ADRM1: variants seen among roughly 807,000 people sequenced by gnomAD.
ADRM1 encodes proteasomal ubiquitin receptor ADRM1.
In ADRM1, 2 loss-of-function variants were observed where a neutral mutation model predicts 40.1. The ratio of observed to expected loss-of-function variants is 0.05; its 90% CI spans 0.02 to 0.16. The LOEUF (loss-of-function observed/expected upper bound fraction) is 0.16. Ranked by LOEUF, ADRM1 falls within the 10% of genes least tolerant of loss-of-function variation. The pLI, the probability that ADRM1 is intolerant of heterozygous loss-of-function variation, is 1.00. For missense variants in ADRM1, 467 were observed against 552.5 expected, an observed-to-expected ratio of 0.85 and a Z score of 1.55; for synonymous variants, 287 against 240.4, an observed-to-expected ratio of 1.19 and a Z score of -1.79.
intron 6 of ADRM1, 23 bp from the exon 7 acceptor site, chr20:62,307,573 A>T (rs1213112547): frequency 1.2e-6 from 2 of 1,606,520 alleles, no homozygotes; most frequent in African/African-American, 2.7e-5. Context: ...TGTCCGCTCC[A>T]GCGGTGCCCT....
At chr20:62,308,277 T>C (rs1030463150) in intron 8 of ADRM1, 91 bp from the exon 9 acceptor site, 5 of 1,538,500 alleles carry the variant, frequency 3.2e-6, no homozygotes, top group African/African-American at 1.4e-5. Context: ...CAGTGCTTCA[T>C]GTGCCTGACC....
intron 2 of ADRM1, 67 bp from the exon 3 acceptor site, chr20:62,304,394 G>T (rs1173364024): frequency 3.6e-6 from 5 of 1,383,156 alleles, no homozygotes; most frequent in Non-Finnish European, 4.1e-6. Context: ...GGCTCAGTAC[G>T]CTCTCCTGAG....
At position 62,306,453 on chromosome 20, in the gene ADRM1, C is replaced by T. The variant is rs184561264; in HGVS notation, c.454+133C>T. 1.7e-4 allele frequency: 248 copies of T among 1,459,276 alleles called. 1 individual carries two copies. The East Asian group carries it at 4.4e-3, about 26-fold the overall frequency. 90.4% of individuals were successfully genotyped at this position (1,459,276 alleles called of 1,614,324 possible). The stretch of plus-strand genomic sequence containing the variant: ...TTCTAAAAGTTAGAGACCCTGTGAG[C>T]TCCCTGGGTCACTCCCCACTCCCAC... On this transcript the variant is annotated intron_variant, in intron 4 of 9. Coordinates refer to ENST00000253003, the MANE Select transcript of ADRM1 (RefSeq NM_007002.4).
chr20:62,308,222 G>A lies in ADRM1; in HGVS notation c.1014+44G>A, dbSNP rs751852048. 7 of 1,571,094 alleles carry A rather than the reference G, an allele frequency of 4.5e-6. No homozygotes were observed. In the Admixed American group the frequency reaches 5.2e-5, roughly 12 times the overall value. ...GTGTCCTCCACTGTGTGCTCAGGGAGTGGGCAGGGGGGAGGAGGAGGCCCT... is the reference window on the plus strand; with the variant it reads ...GTGTCCTCCACTGTGTGCTCAGGGAATGGGCAGGGGGGAGGAGGAGGCCCT... On this transcript the variant is annotated intron_variant, in intron 8 of 9. Transcript: ENST00000253003.
rs982403788 is a variant in ADRM1, at chr20:62,304,923, C to T, written c.330+346C>T. Among the ~76,000 whole-genome samples, 4 of 152,236 alleles carry T rather than the reference C, an allele frequency of 2.6e-5. No homozygotes were observed. In the East Asian group the frequency reaches 7.7e-4, roughly 29 times the overall value. On this transcript the variant is annotated intron_variant, in intron 3 of 9. Coordinates refer to ENST00000253003, the MANE Select transcript of ADRM1 (RefSeq NM_007002.4). ...AGCAGAGGCAGAGGCCCCTGTGTGG[C>T]TTCCCTGCTGGTGCTCACAGAAACG...
In ADRM1 at chr20:62,306,008, G is replaced by A. The variant is rs542474753; in HGVS notation, c.331-189G>A. 52 of 661,852 alleles carry A rather than the reference G, an allele frequency of 7.9e-5. 1 individual carries two copies. Among genetic ancestry groups the A allele is most frequent in the African/African-American group, 7.1e-4 (39 of 55,124 alleles). The allele number at this position is 661,852 out of a possible 1,614,324, so 41.0% of individuals were successfully genotyped here. A position where few individuals can be genotyped will look rare whatever the true frequency, so the allele number is the denominator to read the frequency against. ...GGATGGGGACAGGGCGCAGAGCATC[G>A]TGCTCAGGAGGCGCCACTGCCGTCC... On this transcript the variant is annotated intron_variant, in intron 3 of 9. Coordinates refer to ENST00000253003, the MANE Select transcript of ADRM1 (RefSeq NM_007002.4).
At chr20:62,308,219 G>T in intron 8 of ADRM1, 41 bp downstream of exon 8, 1 of 1,574,054 alleles carries the variant, frequency 6.4e-7, no homozygotes. Flanking sequence ...GTGTGCTCAG[G>T]GAGTGGGCAG....
chr20:62,307,335 G>A (rs767495088), intron 5 of ADRM1, 36 bp from the exon 6 acceptor site: 11 of 1,584,788 alleles, frequency 6.9e-6, no homozygotes, highest in Non-Finnish European at 8.6e-6. Context: ...GTGGGCTAGA[G>A]GGCATCCTGA....
rs529740931 is a variant in ADRM1, at chr20:62,308,292, G to C, written c.1015-76G>C. On this transcript the variant is annotated intron_variant, in intron 8 of 9. Coordinates refer to ENST00000253003, the MANE Select transcript of ADRM1 (RefSeq NM_007002.4). ...CAGTGCTTCATGTGCCTGACCCGCA[G>C]AGCTGGCAGCTGAGCAGTGTGGCTC... is the stretch of plus-strand genomic sequence containing the variant. 59 of 1,542,112 alleles carry C rather than the reference G, an allele frequency of 3.8e-5. 1 individual carries two copies. The African/African-American group carries it at 5.3e-4, about 14-fold the overall frequency.
chr20:62,307,053 C>A (rs537475381), intron 5 of ADRM1, among the ~76,000 whole-genome samples: 2 of 152,332 alleles, frequency 1.3e-5, no homozygotes, highest in South Asian at 4.1e-4. Context: ...TGCCTGCCTG[C>A]TGCCAGCTCA....
intron 3 of ADRM1, chr20:62,305,890 G>A (rs79553754): frequency 0.034 from 11,967 of 353,096 alleles, 299 homozygotes; most frequent in Non-Finnish European, 0.051. Context: ...GGGTGAGAGG[G>A]CTTGGTCTGG....
intron 2 of ADRM1, chr20:62,304,192 T>C (rs559167532): frequency 1.5e-4 from 77 of 515,512 alleles, no homozygotes; most frequent in African/African-American, 5.7e-4. Flanking sequence ...TTTTAACTAC[T>C]CTGGGAATGT....
Position 62,307,799 on chromosome 20 carries a change from T to C in ADRM1, c.827T>C (p.Val276Ala), listed in dbSNP as rs1850837836. ...CAGAGCATCCTGGCCACGATGAACG[T>C]ACCAGCCGGGCCAGCAGGCGGCCAG... ...DLQSILATMN[V>A]PAGPAGGQQV... The change falls in exon 7 of 10, where the codon GTA becomes GCA. Residue 276 changes from valine to alanine, a missense_variant. By Grantham distance (64) the Val-to-Ala change is moderately conservative (BLOSUM62 0). Coordinates refer to ENST00000253003, the MANE Select transcript of ADRM1 (RefSeq NM_007002.4). 2 of 1,610,022 alleles carry C rather than the reference T, an allele frequency of 1.2e-6. No homozygotes were observed. Among genetic ancestry groups the C allele is most frequent in the Non-Finnish European group, 1.7e-6 (2 of 1,179,026 alleles).
chr20:62,307,156 T>C (rs749713448), intron 5 of ADRM1, among the ~76,000 whole-genome samples: 6 of 152,176 alleles, frequency 3.9e-5, no homozygotes, highest in Non-Finnish European at 8.8e-5. Context: ...ACATGAATTG[T>C]GTAATGGGAT....
intron 7 of ADRM1, 69 bp from the exon 8 acceptor site, chr20:62,307,952 C>G: frequency 6.4e-7 from 1 of 1,567,082 alleles, no homozygotes; most frequent in Non-Finnish European, 8.7e-7. Flanking sequence ...GGCTGAGTCC[C>G]TGCTTGCATG....
At chr20:62,306,552 C>A in intron 4 of ADRM1, 96 bp from the exon 5 acceptor site, 1 of 1,363,868 alleles carries the variant, frequency 7.3e-7, no homozygotes, top group South Asian at 1.3e-5. Flanking sequence ...GGTTCAGGGG[C>A]AGCCGAGTGC....
At chr20:62,303,104 G>A (rs1984342674) in intron 1 of ADRM1, 55 bp downstream of exon 1, 2 of 151,878 alleles carry the variant, frequency 1.3e-5, no homozygotes, top group Non-Finnish European at 1.5e-5. Context: ...CGGGGGCAGG[G>A]GCTGCTGGAC....
chr20:62,306,760 G>C (rs1302471247), intron 5 of ADRM1, 26 bp downstream of exon 5: 1 of 1,574,192 alleles, frequency 6.4e-7, no homozygotes, highest in East Asian at 2.3e-5. Flanking sequence ...CGGGCTCTCG[G>C]GCAGCTTCTG....
chr20:62,307,995 C>T, intron 7 of ADRM1, 26 bp from the exon 8 acceptor site: 1 of 1,599,752 alleles, frequency 6.3e-7, no homozygotes, highest in Non-Finnish European at 8.5e-7. Flanking sequence ...TGTCATCGAG[C>T]TGATGGCCGT....
Sources: allele counts gnomAD v4.1 joint callset (sites outside exome capture counted in the v4.1 genomes callset), GRCh38; gene constraint gnomAD v4.1.1; transcripts MANE v1.5; gene names NCBI Gene and HGNC (gene_info 2026-07-23, HGNC 2026-07-21).